The following SRF variants were observed in gnomAD, a reference collection of about 807,000 sequenced individuals.
SRF encodes the protein serum response factor.
SRF carries 7 observed loss-of-function variants against 37.1 expected under a neutral mutation model. The ratio of observed to expected loss-of-function variants is 0.19; its 90% CI spans 0.11 to 0.35. The LOEUF is 0.35. SRF is among the 10% of genes least tolerant of loss of function. The pLI is 1.00. For synonymous variants in SRF, 285 were observed against 310.1 expected (o/e 0.92, Z 0.85); for missense variants, 395 against 694.4 (o/e 0.57, Z 4.85).
In SRF at chr6:43,178,394, G is replaced by A. The variant is rs1054635120; in HGVS notation, c.1263G>A (p.Ser421=). Reference sequence around the variant, plus strand: ...ATGCGGTGATGTATGCCCCCACCTCGGGCCTGGGTGATGGCAGCCTCACCG... The same window carrying A: ...ATGCGGTGATGTATGCCCCCACCTCAGGCCTGGGTGATGGCAGCCTCACCG... ...SPHAVMYAPT[S]GLGDGSLTVL... Residue 421 remains serine (S), a synonymous_variant, in exon 5 of 7, where the codon TCG becomes TCA. Coordinates refer to ENST00000265354, the MANE Select transcript of SRF (RefSeq NM_003131.4). The surrounding 1 kb of genome is among the most constrained non-coding windows in gnomAD (Gnocchi z 4.3). The A allele has an allele frequency of 3.1e-6, 5 of 1,613,826 alleles. No homozygotes were observed. In the African/African-American group the frequency reaches 5.3e-5, roughly 17 times the overall value.
rs1772241324 is a variant in SRF, at chr6:43,178,173, C to T, written c.1163-121C>T. The T allele has an allele frequency of 3.1e-6, 3 of 957,054 alleles. No individual in the cohort carries two copies. Among genetic ancestry groups the T allele is most frequent in the Non-Finnish European group, 3.0e-6 (2 of 667,500 alleles). The allele number at this position is 957,054 out of a possible 1,614,324, so 59.3% of individuals were successfully genotyped here. A position where few individuals can be genotyped will look rare whatever the true frequency, so the allele number is the denominator to read the frequency against. On this transcript the variant is annotated intron_variant, in intron 4 of 6. Transcript: ENST00000265354. This position sits in a 1 kb window ranked among gnomAD's most constrained non-coding sequence, Gnocchi z 4.3. Reference sequence around the variant, plus strand: ...GTTGATGATGGAGCTGAGGAATAGTCGTGTCTAGCTTCTGACCTGGGAAAT... The same window carrying T: ...GTTGATGATGGAGCTGAGGAATAGTTGTGTCTAGCTTCTGACCTGGGAAAT...
chr6:43,174,770 C>T (rs1582253975), intron 2 of SRF, among the ~76,000 whole-genome samples: 1 of 152,294 alleles, frequency 6.6e-6, no homozygotes, highest in East Asian at 1.9e-4. Flanking sequence ...ACGCCTCTGC[C>T]AATCAAGGGT....
At chr6:43,177,208 A>G (rs2150496972) in intron 4 of SRF, among the ~76,000 whole-genome samples, 1 of 149,064 alleles carries the variant, frequency 6.7e-6, no homozygotes, top group East Asian at 2.0e-4. Flanking sequence ...TCTCACCCCA[A>G]ACCTAGTGAA....
At position 43,171,536 on chromosome 6, in the gene SRF, G is replaced by C; in HGVS notation, c.-121G>C. The stretch of plus-strand genomic sequence containing the variant: ...GCCCCGGGTTCGCAGCGGCGGCCGC[G>C]GCAGCGATAGCGGCACTAGCAGCAG... On this transcript the variant is annotated 5_prime_UTR_variant, in exon 1 of 7. Coordinates refer to ENST00000265354, the MANE Select transcript of SRF (RefSeq NM_003131.4). This position sits in a 1 kb window ranked among gnomAD's most constrained non-coding sequence, Gnocchi z 6.5. 9.3e-7 allele frequency: 1 copy of C among 1,074,806 alleles called. No homozygotes were observed. 66.6% of individuals were successfully genotyped at this position (1,074,806 alleles called of 1,614,324 possible).
chr6:43,175,574 A>G (rs1772181009), intron 2 of SRF, 132 bp from the exon 3 acceptor site: 1 of 1,152,694 alleles, frequency 8.7e-7, no homozygotes, highest in South Asian at 1.4e-5. Flanking sequence ...AGAGTCAGGC[A>G]TCAGGTAAAT....
At position 43,173,861 on chromosome 6, in the gene SRF, C is replaced by T; in HGVS notation, c.528C>T (p.Ser176=). 6.2e-7 allele frequency: 1 copy of T among 1,614,042 alleles called. No individual in the cohort carries two copies. The highest frequency in any genetic ancestry group is 1.1e-5 in the South Asian group (1 of 91,070). ...TGIMKKAYEL[S]TLTGTQVLLL... is the part of the protein sequence containing the mutation. ...TCACCCCTCAGGCCTATGAGCTGTC[C>T]ACGCTGACAGGGACACAGGTGCTGT... The change falls in exon 2 of 7, where the codon TCC becomes TCT. Residue 176 remains serine (S), a synonymous_variant. Transcript: ENST00000265354. This position sits in a 1 kb window ranked among gnomAD's most constrained non-coding sequence, Gnocchi z 4.2.
intron 4 of SRF, among the ~76,000 whole-genome samples, chr6:43,177,686 G>T (rs1056466891): frequency 1.3e-5 from 2 of 151,188 alleles, no homozygotes; most frequent in East Asian, 2.0e-4. Context: ...GAGGCCGAGG[G>T]GGGCAGATCA....
rs559857889 is a variant in SRF, at chr6:43,172,625, A to T, written c.513+456A>T. Among the ~76,000 whole-genome samples the T allele has an allele frequency of 1.3e-5, 2 of 152,096 alleles. No homozygotes were observed. Among genetic ancestry groups the T allele is most frequent in the Non-Finnish European group, 2.9e-5 (2 of 68,000 alleles). On this transcript the variant is annotated intron_variant, in intron 1 of 6. Transcript: ENST00000265354. This position sits in a 1 kb window ranked among gnomAD's most constrained non-coding sequence, Gnocchi z 5.7. Reference sequence around the variant, plus strand: ...AGCTGCATGACAACAATGAGCGAACATGTGTGGGAGGAAGTGGGCACCACG... The same window carrying T: ...AGCTGCATGACAACAATGAGCGAACTTGTGTGGGAGGAAGTGGGCACCACG...
At position 43,176,084 on chromosome 6, in the gene SRF, T is replaced by C; in HGVS notation, c.1042+117T>C. The C allele has an allele frequency of 2.1e-6, 3 of 1,410,378 alleles. No homozygotes were observed. Among genetic ancestry groups the C allele is most frequent in the South Asian group, 1.4e-5 (1 of 73,698 alleles). 87.4% of individuals were successfully genotyped at this position (1,410,378 alleles called of 1,614,324 possible). A position where few individuals can be genotyped will look rare whatever the true frequency, so the allele number is the denominator to read the frequency against. ...TTTCCCTGCTCAGAAGGAAGGTGAATAGGGGCCAGAGCCTGAGCGAAGCCT... is the reference window on the plus strand; with the variant it reads ...TTTCCCTGCTCAGAAGGAAGGTGAACAGGGGCCAGAGCCTGAGCGAAGCCT... On this transcript the variant is annotated intron_variant, in intron 3 of 6. Transcript: ENST00000265354. The surrounding 1 kb of genome is among the most constrained non-coding windows in gnomAD (Gnocchi z 4.0).
In SRF at chr6:43,177,526, G is replaced by A. The variant is rs534731485; in HGVS notation, c.1163-768G>A. ...ATTACAGGCCTGAGCCACCGCACCC[G>A]GCCCAGAGTCTGTGTTTTAACAAGA... is the stretch of plus-strand genomic sequence containing the variant. On this transcript the variant is annotated intron_variant, in intron 4 of 6. Transcript: ENST00000265354. 9.3e-5 allele frequency among the ~76,000 whole-genome samples: 14 copies of A among 149,976 alleles called. No homozygotes were observed. The East Asian group carries it at 1.6e-3, about 17-fold the overall frequency.
chr6:43,173,722 A>G lies in SRF; in HGVS notation c.514-125A>G. On this transcript the variant is annotated intron_variant, in intron 1 of 6. Coordinates refer to ENST00000265354, the MANE Select transcript of SRF (RefSeq NM_003131.4). The surrounding 1 kb of genome is among the most constrained non-coding windows in gnomAD (Gnocchi z 4.2). ...GATAGGACACCCTGCCCTCAGAGTC[A>G]TTAGAGACGAAGGTCATTATGGGAA... is the stretch of plus-strand genomic sequence containing the variant. 1.5e-6 allele frequency: 2 copies of G among 1,305,540 alleles called. No individual in the cohort carries two copies. Among genetic ancestry groups the G allele is most frequent in the Admixed American group, 2.5e-5 (1 of 40,426 alleles). The allele number at this position is 1,305,540 out of a possible 1,614,324, so 80.9% of individuals were successfully genotyped here.
At chr6:43,174,332 A>T (rs911087574) in intron 2 of SRF, among the ~76,000 whole-genome samples, 1 of 151,916 alleles carries the variant, frequency 6.6e-6, no homozygotes, top group African/African-American at 2.4e-5. Context: ...CTTGGGCTCC[A>T]CGCCGGCCTC....
chr6:43,172,907 G>C lies in SRF; in HGVS notation c.513+738G>C, dbSNP rs1421700343. On this transcript the variant is annotated intron_variant, in intron 1 of 6. Coordinates refer to ENST00000265354, the MANE Select transcript of SRF (RefSeq NM_003131.4). This position sits in a 1 kb window ranked among gnomAD's most constrained non-coding sequence, Gnocchi z 5.7. ...GGGGAAGTCAGGGAGGCTTGCAGAG[G>C]TACCTAGGAATTCCTCTTCTGCCAG... 1.3e-5 allele frequency among the ~76,000 whole-genome samples: 2 copies of C among 152,158 alleles called. No individual in the cohort carries two copies. Among genetic ancestry groups the C allele is most frequent in the Non-Finnish European group, 2.9e-5 (2 of 68,020 alleles).
rs544658252 is a variant in SRF, at chr6:43,177,228, G to GTTTTTTTTTTTTTTTTTT, written c.1162+578_1162+579insTTTTTTTTTTTTTTTTTT. On this transcript the variant is annotated intron_variant, in intron 4 of 6. Coordinates refer to ENST00000265354, the MANE Select transcript of SRF (RefSeq NM_003131.4). The stretch of plus-strand genomic sequence containing the variant: ...CCCCAAACCTAGTGAATCGGAGTCT[G>GTTTTTTTTTTTTTTTTTT]TTTTTTTTTTTTTTTTTGAGACGGA... Among the ~76,000 whole-genome samples the GTTTTTTTTTTTTTTTTTT allele has an allele frequency of 5.0e-4, 58 of 116,800 alleles. 9 individuals carry two copies. The highest frequency in any genetic ancestry group is 1.9e-3 in the African/African-American group (50 of 26,180). 76.6% of individuals were successfully genotyped at this position (116,800 alleles called of 152,430 possible). A position where few individuals can be genotyped will look rare whatever the true frequency, so the allele number is the denominator to read the frequency against.
Position 43,171,593 on chromosome 6 carries a change from GGCGGCGGCT to G in SRF, c.-54_-46del, listed in dbSNP as rs1415424529. 6 of 1,178,228 alleles carry G rather than the reference GGCGGCGGCT, an allele frequency of 5.1e-6. No homozygotes were observed. Among genetic ancestry groups the G allele is most frequent in the Admixed American group, 4.6e-5 (1 of 21,892 alleles). The allele number at this position is 1,178,228 out of a possible 1,614,324, so 73.0% of individuals were successfully genotyped here. On this transcript the variant is annotated 5_prime_UTR_variant, in exon 1 of 7. Coordinates refer to ENST00000265354, the MANE Select transcript of SRF (RefSeq NM_003131.4). This position sits in a 1 kb window ranked among gnomAD's most constrained non-coding sequence, Gnocchi z 6.5. ...TGCCGGGTTGAGCCGGGAAGCCGAT[GGCGGCGGCT>G]GCGGCGGCTCCGATTCCTCGCTGAC...
chr6:43,181,261 G>A lies in SRF; in HGVS notation c.*2071G>A, dbSNP rs1342614638. On this transcript the variant is annotated 3_prime_UTR_variant, in exon 7 of 7. Transcript: ENST00000265354. ...ATGCGTGTGTCAGGGATGAGTTGAGGTGATATTTTTATGTGCAGCGACCCT... is the reference window on the plus strand; with the variant it reads ...ATGCGTGTGTCAGGGATGAGTTGAGATGATATTTTTATGTGCAGCGACCCT... The A allele has an allele frequency of 6.5e-6, 1 of 152,894 alleles. No homozygotes were observed. Among genetic ancestry groups the A allele is most frequent in the African/African-American group, 2.4e-5 (1 of 41,412 alleles). The allele number at this position is 152,894 out of a possible 1,614,324, so 9.5% of individuals were successfully genotyped here.
chr6:43,172,586 G>A lies in SRF; in HGVS notation c.513+417G>A. The A allele has an allele frequency of 2.4e-6, 1 of 422,502 alleles. No individual in the cohort carries two copies. Among genetic ancestry groups the A allele is most frequent in the Non-Finnish European group, 3.2e-6 (1 of 315,630 alleles). 26.2% of individuals were successfully genotyped at this position (422,502 alleles called of 1,614,324 possible). The stretch of plus-strand genomic sequence containing the variant: ...CAGGGAGCAAACGAGAAGGTATGGA[G>A]GTGAGGAGGCTGGAGCTGCATGACA... On this transcript the variant is annotated intron_variant, in intron 1 of 6. Transcript: ENST00000265354. This position sits in a 1 kb window ranked among gnomAD's most constrained non-coding sequence, Gnocchi z 5.7.
Position 43,171,730 on chromosome 6 carries a change from C to T in SRF, c.74C>T (p.Thr25Ile), listed in dbSNP as rs1376738691. 54 of 1,203,524 alleles carry T rather than the reference C, an allele frequency of 4.5e-5. No individual in the cohort carries two copies. Among genetic ancestry groups the T allele is most frequent in the Non-Finnish European group, 5.5e-5 (53 of 969,432 alleles). The allele number at this position is 1,203,524 out of a possible 1,614,324, so 74.6% of individuals were successfully genotyped here. A position where few individuals can be genotyped will look rare whatever the true frequency, so the allele number is the denominator to read the frequency against. ...GCCCTGGGGGGCAGCCTGAACCGGA[C>T]CCCGACGGGGCGGCCGGGCGGCGGC... ...GSALGGSLNR[T>I]PTGRPGGGGG... The change falls in exon 1 of 7, where the codon ACC (threonine) becomes ATC (isoleucine). Residue 25 changes from threonine to isoleucine, a missense_variant. Around this residue, in one of 4 missense-constraint regions of SRF, gnomAD observed 134 missense variants for 204.5 expected, o/e 0.66. Transcript: ENST00000265354. This position sits in a 1 kb window ranked among gnomAD's most constrained non-coding sequence, Gnocchi z 6.5.
chr6:43,175,395 T>C (rs1772177673), intron 2 of SRF, among the ~76,000 whole-genome samples: 1 of 152,204 alleles, frequency 6.6e-6, no homozygotes, highest in Admixed American at 6.5e-5. Flanking sequence ...TGATAATAAT[T>C]ATCATAAGAG....
Sources: allele counts gnomAD v4.1 joint callset (sites outside exome capture counted in the v4.1 genomes callset), GRCh38; gene constraint gnomAD v4.1.1; regional missense constraint gnomAD v4.1.1; non-coding constraint Gnocchi (gnomAD v3.1); transcripts MANE v1.5; gene names NCBI Gene and HGNC (gene_info 2026-07-23, HGNC 2026-07-21).